Variants in PDE4D observed in about 807,000 individuals in gnomAD.
PDE4D encodes phosphodiesterase 4D.
In PDE4D, 24 loss-of-function variants were observed where a neutral mutation model predicts 87.4. The observed-to-expected ratio is 0.27, with a 90% CI of 0.20 to 0.39. The LOEUF is 0.39. PDE4D is among the 10% of genes least tolerant of loss of function. The pLI, the probability that PDE4D is intolerant of heterozygous loss-of-function variation, is 1.00. For synonymous variants in PDE4D, 384 were observed against 383.2 expected, an observed-to-expected ratio of 1.00 and a Z score of -0.02; for missense variants, 714 against 1,041.0, an observed-to-expected ratio of 0.69 and a Z score of 4.32.
intron 1 of PDE4D, among the ~76,000 whole-genome samples, chr5:60,315,946 C>T (rs1934616322): frequency 6.6e-6 from 1 of 152,104 alleles, no homozygotes; most frequent in Non-Finnish European, 1.5e-5. Context: ...CTTCTGTTGG[C>T]TTAGGATTGA....
chr5:60,353,371 T>C (rs1017159477), intron 1 of PDE4D, among the ~76,000 whole-genome samples: 17 of 152,216 alleles, frequency 1.1e-4, no homozygotes, highest in Admixed American at 1.3e-4. Context: ...AGGTGATACC[T>C]TACATCCTGC....
intron 2 of PDE4D, among the ~76,000 whole-genome samples, chr5:60,035,733 A>ACC (rs1467756534): frequency 6.6e-6 from 1 of 152,176 alleles, no homozygotes; most frequent in Non-Finnish European, 1.5e-5. Context: ...ATATCAAATG[A>ACC]CCAAGTTAAT....
At chr5:60,175,135 C>CT (rs1274233917) in intron 2 of PDE4D, among the ~76,000 whole-genome samples, 1 of 151,938 alleles carries the variant, frequency 6.6e-6, no homozygotes, top group African/African-American at 2.4e-5. Flanking sequence ...TATTTCCACT[C>CT]TTTTTTCTGT....
At chr5:59,497,281 G>A (rs966302918) in intron 1 of PDE4D, among the ~76,000 whole-genome samples, 1 of 142,532 alleles carries the variant, frequency 7.0e-6, no homozygotes, top group Non-Finnish European at 1.5e-5. Context: ...AATACAAAAT[G>A]TCAGAGTGTT....
intron 2 of PDE4D, among the ~76,000 whole-genome samples, chr5:59,992,872 A>G (rs1449386837): frequency 1.3e-5 from 2 of 152,180 alleles, no homozygotes; most frequent in Non-Finnish European, 2.9e-5. Context: ...CCAAAACAGT[A>G]TAAGAGGCTT....
chr5:60,271,558 AG>A (rs1257428699), intron 1 of PDE4D, among the ~76,000 whole-genome samples: 1 of 152,228 alleles, frequency 6.6e-6, no homozygotes, highest in Non-Finnish European at 1.5e-5. Flanking sequence ...AGAGCCAGTG[AG>A]GTGTAATCCC....
chr5:59,375,955 GAT>G (rs1168407664), intron 1 of PDE4D, among the ~76,000 whole-genome samples: 1 of 152,142 alleles, frequency 6.6e-6, no homozygotes, highest in Non-Finnish European at 1.5e-5. Flanking sequence ...TATCTCAAAA[GAT>G]GTGGAAAATG....
intron 1 of PDE4D, among the ~76,000 whole-genome samples, chr5:59,612,147 G>C (rs1444272200): frequency 6.6e-6 from 1 of 152,062 alleles, no homozygotes; most frequent in Non-Finnish European, 1.5e-5. Flanking sequence ...TATTTTTAGT[G>C]CTTTGAGAGC....
At chr5:59,485,187 T>G (rs1278299893) in intron 1 of PDE4D, among the ~76,000 whole-genome samples, 1 of 152,202 alleles carries the variant, frequency 6.6e-6, no homozygotes, top group Non-Finnish European at 1.5e-5. Context: ...AAGTAGTTAC[T>G]TGTTATTTGA....
At chr5:59,354,700 C>T (rs1781080962) in intron 1 of PDE4D, among the ~76,000 whole-genome samples, 1 of 152,208 alleles carries the variant, frequency 6.6e-6, no homozygotes. Flanking sequence ...TTCCTACCTC[C>T]CTAACCCTTC....
At chr5:59,384,334 A>G (rs1172475326) in intron 1 of PDE4D, among the ~76,000 whole-genome samples, 3 of 152,162 alleles carry the variant, frequency 2.0e-5, no homozygotes, top group African/African-American at 7.2e-5. Flanking sequence ...CTTGTAGTTG[A>G]ATGGAGCCAC....
intron 1 of PDE4D, among the ~76,000 whole-genome samples, chr5:60,195,726 C>T (rs1741136207): frequency 6.6e-6 from 1 of 151,676 alleles, no homozygotes; most frequent in Non-Finnish European, 1.5e-5. Context: ...ACACTAAGTG[C>T]TCTGACAGAA....
intron 1 of PDE4D, among the ~76,000 whole-genome samples, chr5:59,878,887 G>GTTT (rs70975345): frequency 0.011 from 754 of 71,732 alleles, 141 homozygotes; most frequent in African/African-American, 0.036. Flanking sequence ...ACCGAAGTAA[G>GTTT]TTTTTTTTTT....
At position 59,184,562 on chromosome 5, in the gene PDE4D, T is replaced by TA. The variant is rs148855908; in HGVS notation, c.758+626_758+627insT. 3.8e-3 allele frequency among the ~76,000 whole-genome samples: 496 copies of TA among 129,426 alleles called. 1 individual carries two copies. The highest frequency in any genetic ancestry group is 7.0e-3 in the Non-Finnish European group (382 of 54,222). The allele number at this position is 129,426 out of a possible 152,430, so 84.9% of individuals were successfully genotyped here. ...ATTTCATATTAATAGCAGATTTTTT[T>TA]TAAAAAAATGGACATTGAAATAACA... On this transcript the variant is annotated intron_variant, in intron 4 of 14. Transcript: ENST00000340635.
At chr5:59,263,695 C>T (rs886232040) in intron 1 of PDE4D, among the ~76,000 whole-genome samples, 1 of 151,882 alleles carries the variant, frequency 6.6e-6, no homozygotes, top group Non-Finnish European at 1.5e-5. Context: ...CATAATTTTG[C>T]AAGGGGGTGA....
chr5:60,414,191 T>G (rs1174556573), intron 1 of PDE4D, among the ~76,000 whole-genome samples: 1 of 152,224 alleles, frequency 6.6e-6, no homozygotes. Context: ...GTCCTTGGTT[T>G]TGTACTTTAT....
intron 3 of PDE4D, among the ~76,000 whole-genome samples, chr5:59,913,167 T>G (rs1427262819): frequency 2.0e-5 from 3 of 152,244 alleles, no homozygotes; most frequent in African/African-American, 7.2e-5. Flanking sequence ...CATTTTTTCT[T>G]ATTTTTATAT....
At chr5:59,071,285 T>C (rs777722269) in intron 5 of PDE4D, among the ~76,000 whole-genome samples, 1 of 152,116 alleles carries the variant, frequency 6.6e-6, no homozygotes, top group Non-Finnish European at 1.5e-5. Context: ...ATGCTCCAAT[T>C]AATGAGTTCT....
intron 1 of PDE4D, among the ~76,000 whole-genome samples, chr5:59,855,793 A>G (rs1168629695): frequency 6.6e-6 from 1 of 152,164 alleles, no homozygotes; most frequent in Non-Finnish European, 1.5e-5. Flanking sequence ...ACACAAATAC[A>G]TATTTTTGAT....
Sources: gnomAD v4.1 joint callset for allele counts (sites outside exome capture counted in the v4.1 genomes callset) on GRCh38, gnomAD v4.1.1 for gene constraint, MANE v1.5 for transcripts, NCBI Gene and HGNC (gene_info 2026-07-23, HGNC 2026-07-21) for gene names.